The following CTBP2 variants were observed in gnomAD, a reference collection of about 807,000 sequenced individuals.
CTBP2 encodes C-terminal-binding protein 2.
CTBP2 carries 30 observed loss-of-function variants against 80.3 expected under a neutral mutation model. That is an observed-to-expected ratio of 0.37 (90% CI 0.28 to 0.51). The LOEUF is 0.51. Ranked by LOEUF, CTBP2 falls within the 20% of genes least tolerant of loss-of-function variation. The pLI is 0.93. For missense variants in CTBP2, 1,212 were observed against 1,375.3 expected (o/e 0.88, Z 1.88); for synonymous variants, 594 against 587.4 (o/e 1.01, Z -0.16).
chr10:124,990,333 A>G (rs1952437106), intron 8 of CTBP2, among the ~76,000 whole-genome samples: 2 of 152,174 alleles, frequency 1.3e-5, no homozygotes, highest in South Asian at 4.1e-4. Context: ...GTGAGCCACC[A>G]TGCCCGGCCC....
upstream of CTBP2, among the ~76,000 whole-genome samples, chr10:125,161,714 G>T (rs554398759): frequency 1.4e-3 from 195 of 138,252 alleles, no homozygotes; most frequent in African/African-American, 5.0e-3. Flanking sequence ...CTTACACATT[G>T]AAAAAAAAAA....
intron 1 of CTBP2, among the ~76,000 whole-genome samples, chr10:125,130,292 C>T (rs989760543): frequency 3.9e-5 from 6 of 152,098 alleles, no homozygotes; most frequent in Non-Finnish European, 5.9e-5. Context: ...AGGTGATCCA[C>T]GCACCTCTGC....
At chr10:125,006,210 G>A (rs1955220304) in intron 1 of CTBP2, among the ~76,000 whole-genome samples, 1 of 151,878 alleles carries the variant, frequency 6.6e-6, no homozygotes, top group Non-Finnish European at 1.5e-5. Context: ...TCTGAGGCTC[G>A]AATCCTGGCA....
In CTBP2 at chr10:125,066,059, C is replaced by T. The variant is rs949090461; in HGVS notation, c.-101-26904G>A. On this transcript the variant is annotated intron_variant, in intron 2 of 10. Coordinates refer to the CTBP2 transcript ENST00000337195. The surrounding 1 kb of genome is among the most constrained non-coding windows in gnomAD (Gnocchi z 4.1). ...GAGGTTACAGTGAGCCCTGATTGTG[C>T]CATGGCACTCTAGCCAAAAAAAAAA... 5.4e-5 allele frequency among the ~76,000 whole-genome samples: 8 copies of T among 148,484 alleles called. No individual in the cohort carries two copies. In the East Asian group the frequency reaches 1.2e-3, roughly 22 times the overall value.
At chr10:125,160,016 T>C (rs1025931045) in intron 1 of CTBP2, 1 of 147,934 alleles carries the variant, frequency 6.8e-6, no homozygotes, top group African/African-American at 2.5e-5. Context: ...TTCGCATTCA[T>C]CAACTCTCAT....
chr10:125,032,213 G>A (rs1048422717), upstream of CTBP2, among the ~76,000 whole-genome samples: 6 of 152,144 alleles, frequency 3.9e-5, no homozygotes, highest in Admixed American at 3.3e-4. Flanking sequence ...AACCTCAAGA[G>A]GCTGTGCTCA....
chr10:125,013,371 C>T (rs1307103425), intron 1 of CTBP2, among the ~76,000 whole-genome samples: 2 of 152,240 alleles, frequency 1.3e-5, no homozygotes. Flanking sequence ...TGGGGAAATA[C>T]CTGAGACTGG....
chr10:125,138,367 C>CT (rs1239384787), intron 1 of CTBP2: 1 of 152,216 alleles, frequency 6.6e-6, no homozygotes, highest in Non-Finnish European at 1.5e-5. Context: ...CCCCACCACG[C>CT]TGACACTTGA....
chr10:125,020,673 C>G (rs556832962), intron 1 of CTBP2, among the ~76,000 whole-genome samples: 2 of 152,314 alleles, frequency 1.3e-5, no homozygotes, highest in African/African-American at 4.8e-5. Flanking sequence ...CGGCAGAAAT[C>G]ATTTGTCGAC....
At chr10:125,152,042 G>GC (rs1252772381) in intron 1 of CTBP2, among the ~76,000 whole-genome samples, 1 of 152,136 alleles carries the variant, frequency 6.6e-6, no homozygotes, top group Admixed American at 6.5e-5. Flanking sequence ...AGATACCGCG[G>GC]CCCGCGGAGG....
intron 1 of CTBP2, among the ~76,000 whole-genome samples, chr10:125,135,219 A>G (rs76294329): frequency 0.028 from 4,281 of 152,112 alleles, 141 homozygotes; most frequent in African/African-American, 0.083. Context: ...AAGGAAGCCA[A>G]TGCCCAGGAA....
At chr10:125,046,260 G>A (rs1961205124) in intron 2 of CTBP2, among the ~76,000 whole-genome samples, 1 of 152,168 alleles carries the variant, frequency 6.6e-6, no homozygotes, top group Non-Finnish European at 1.5e-5. Flanking sequence ...ATGAGGGCCA[G>A]GCGTAGTGGC....
chr10:124,985,310 T>A lies in CTBP2; in HGVS notation c.*4208A>T, dbSNP rs558061130. ...GTAAGACATTGTTTAATAGGAAAAG[T>A]TGTACCAGCATCTTCATATTATTGA... On this transcript the variant is annotated 3_prime_UTR_variant, in exon 9 of 9. Transcript: ENST00000309035. 8.0e-4 allele frequency: 173 copies of A among 217,370 alleles called. 1 individual carries two copies. The highest frequency in any genetic ancestry group is 1.7e-3 in the Admixed American group (29 of 17,522). 13.5% of individuals were successfully genotyped at this position (217,370 alleles called of 1,614,324 possible). A position where few individuals can be genotyped will look rare whatever the true frequency, so the allele number is the denominator to read the frequency against.
chr10:125,161,413 C>T (rs1185401221), upstream of CTBP2, among the ~76,000 whole-genome samples: 1 of 152,042 alleles, frequency 6.6e-6, no homozygotes, highest in African/African-American at 2.4e-5. Flanking sequence ...CGTGGGGGAA[C>T]GCGAGCCCCG....
upstream of CTBP2, chr10:125,032,645 T>G (rs546934512): frequency 1.9e-5 from 3 of 154,134 alleles, no homozygotes; most frequent in East Asian, 5.8e-4. Flanking sequence ...AGCGCACCCC[T>G]CCCTCCACAG....
intron 1 of CTBP2, among the ~76,000 whole-genome samples, chr10:125,123,159 C>T (rs944749646): frequency 2.0e-5 from 3 of 152,156 alleles, no homozygotes; most frequent in South Asian, 2.1e-4. Flanking sequence ...CCATGTGTGT[C>T]GACCATGTGC....
chr10:125,123,306 T>C (rs1266951352), intron 1 of CTBP2, among the ~76,000 whole-genome samples: 1 of 152,162 alleles, frequency 6.6e-6, no homozygotes, highest in Non-Finnish European at 1.5e-5. Context: ...AATGAGTGCA[T>C]GTTACACTAG....
intron 1 of CTBP2, among the ~76,000 whole-genome samples, chr10:125,011,593 C>A (rs1955912222): frequency 6.6e-6 from 1 of 152,194 alleles, no homozygotes; most frequent in Non-Finnish European, 1.5e-5. Flanking sequence ...TCAGAAAAAA[C>A]ACAAAATACA....
chr10:125,069,236 T>C (rs951397765), intron 2 of CTBP2, among the ~76,000 whole-genome samples: 28 of 152,366 alleles, frequency 1.8e-4, no homozygotes, highest in African/African-American at 6.3e-4. Flanking sequence ...AATTGCGTTA[T>C]GATTTTATAA....
Sources: gnomAD v4.1 joint callset for allele counts (sites outside exome capture counted in the v4.1 genomes callset) on GRCh38, gnomAD v4.1.1 for gene constraint, Gnocchi (gnomAD v3.1) non-coding constraint, MANE v1.5 for transcripts, NCBI Gene and HGNC (gene_info 2026-07-23, HGNC 2026-07-21) for gene names.